USH2A: variants seen among roughly 807,000 people sequenced by gnomAD.
USH2A encodes the protein usherin.
Under a neutral mutation model 538.9 loss-of-function variants are expected in USH2A, and 443 were observed. The observed-to-expected ratio is 0.82, with a 90% confidence interval of 0.76 to 0.89. The LOEUF (loss-of-function observed/expected upper bound fraction) is 0.89, where lower values mean the gene tolerates loss of function less well. USH2A is among the 40% of genes least tolerant of loss of function. The pLI is 0.00. For missense variants in USH2A, 6,633 were observed against 6,324.8 expected (o/e 1.05, Z -1.65); for synonymous variants, 2,413 against 2,273.5 (o/e 1.06, Z -1.75).
At chr1:215,789,953 T>A in intron 51 of USH2A, 106 bp downstream of exon 51, 1 of 1,036,884 alleles carries the variant, frequency 9.6e-7, no homozygotes, top group Non-Finnish European at 1.4e-6. Context: ...AAATGAATAA[T>A]GCACACAGGA....
intron 37 of USH2A, among the ~76,000 whole-genome samples, chr1:215,963,264 A>T (rs1462268948): frequency 6.6e-6 from 1 of 152,098 alleles, no homozygotes; most frequent in African/African-American, 2.4e-5. Context: ...CCCTCAGTGT[A>T]AATGTCACCC....
At chr1:216,151,402 A>G (rs985650477) in intron 21 of USH2A, among the ~76,000 whole-genome samples, 69 of 152,074 alleles carry the variant, frequency 4.5e-4, no homozygotes, top group Non-Finnish European at 5.7e-4. Flanking sequence ...TCAATTTGCA[A>G]ATGGGACCGA....
rs1485868763 is a variant in USH2A at position 215,782,769 on chromosome 1, G to A, written c.10554C>T (p.Val3518=). The change falls in exon 53 of 72, where the codon GTC becomes GTT. Residue 3518 remains valine, a synonymous_variant. Coordinates refer to ENST00000307340, the MANE Select transcript of USH2A (RefSeq NM_206933.4). ...TKIDNLEDTI[V]LNWRKPIQSN... is the part of the protein sequence containing the mutation. ...ATTGTATAGGTTTTCTCCAGTTTAA[G>A]ACAATTGTATCTTCAAGATTGTCTA... 1.9e-6 allele frequency: 3 copies of A among 1,613,868 alleles called. No individual in the cohort carries two copies. The highest frequency in any genetic ancestry group is 2.5e-6 in the Non-Finnish European group (3 of 1,179,880).
rs573767136 is a variant in USH2A, at chr1:215,748,424, A to C, written c.11390-5089T>G. ...CAAATGATAAGTTGTATAATATATT[A>C]TTTTTTGGATGAAGACAAACACTGG... On this transcript the variant is annotated intron_variant, in intron 58 of 71. Coordinates refer to ENST00000307340, the MANE Select transcript of USH2A (RefSeq NM_206933.4). Among the ~76,000 whole-genome samples, 168 of 152,296 alleles carry C rather than the reference A, an allele frequency of 1.1e-3. 2 individuals carry two copies. In the South Asian group the frequency reaches 0.016, roughly 14 times the overall value.
intron 64 of USH2A, 52 bp from the exon 65 acceptor site, chr1:215,650,853 G>GAAAAAAAAAAAAAAA: frequency 1.6e-6 from 2 of 1,232,022 alleles, no homozygotes; most frequent in Non-Finnish European, 2.2e-6. Flanking sequence ...CTAAGGCTGG[G>GAAAAAAAAAAAAAAA]AAAAAAAAAA....
intron 27 of USH2A, among the ~76,000 whole-genome samples, chr1:216,077,787 G>C (rs986361602): frequency 1.3e-4 from 20 of 149,484 alleles, no homozygotes; most frequent in African/African-American, 4.6e-4. Context: ...ATATAATTAT[G>C]TACCACATAT....
chr1:216,136,185 T>A (rs1288346611), intron 21 of USH2A, among the ~76,000 whole-genome samples: 2 of 152,118 alleles, frequency 1.3e-5, no homozygotes, highest in Admixed American at 1.3e-4. Flanking sequence ...ATTGTCTCCA[T>A]GCTAATAATG....
intron 47 of USH2A, among the ~76,000 whole-genome samples, chr1:215,828,853 A>G (rs774883346): frequency 2.0e-5 from 3 of 152,196 alleles, no homozygotes; most frequent in Non-Finnish European, 4.4e-5. Context: ...GTCTCCATTT[A>G]TGGGGAATAA....
chr1:216,188,439 A>G (rs528171162), intron 20 of USH2A, among the ~76,000 whole-genome samples: 164 of 151,956 alleles, frequency 1.1e-3, no homozygotes, highest in African/African-American at 3.9e-3. Context: ...ACACTATTGC[A>G]TATGAGGTTC....
intron 4 of USH2A, among the ~76,000 whole-genome samples, 180 bp downstream of exon 4, chr1:216,364,773 T>C (rs1363212967): frequency 6.6e-6 from 1 of 151,982 alleles, no homozygotes; most frequent in African/African-American, 2.4e-5. Flanking sequence ...ACTTCCAGCT[T>C]CCAAAACTGT....
chr1:216,153,852 C>T (rs746722299), intron 21 of USH2A, among the ~76,000 whole-genome samples: 26 of 152,318 alleles, frequency 1.7e-4, no homozygotes, highest in Non-Finnish European at 3.5e-4. Flanking sequence ...TAGGCTGCTG[C>T]TTGCTGCCTC....
intron 69 of USH2A, among the ~76,000 whole-genome samples, chr1:215,636,429 A>T (rs1415178752): frequency 6.6e-6 from 1 of 152,232 alleles, no homozygotes; most frequent in African/African-American, 2.4e-5. Context: ...TCTAAAATAA[A>T]GGGTTGAGTC....
At position 216,271,730 on chromosome 1, in the gene USH2A, T is replaced by C. The variant is rs546706491; in HGVS notation, c.1971+17550A>G. Among the ~76,000 whole-genome samples the C allele has an allele frequency of 2.0e-5, 3 of 152,224 alleles. No individual in the cohort carries two copies. The South Asian group carries it at 6.2e-4, about 32-fold the overall frequency. On this transcript the variant is annotated intron_variant, in intron 11 of 71. Coordinates refer to ENST00000307340, the MANE Select transcript of USH2A (RefSeq NM_206933.4). Reference sequence around the variant, plus strand: ...AGAGGGTATTTATCATGAAAGTGTTTTGAATTCTTTTTCAAAGTTTTTTGA... The same window carrying C: ...AGAGGGTATTTATCATGAAAGTGTTCTGAATTCTTTTTCAAAGTTTTTTGA...
Position 215,878,987 on chromosome 1 carries a change from T to C in USH2A, c.8335A>G (p.Lys2779Glu), listed in dbSNP as rs1384747147. The change falls in exon 42 of 72, where the codon AAA becomes GAA. Residue 2779 changes from lysine (K) to glutamate (E), a missense_variant. Lys to Glu is a moderately conservative substitution (Grantham distance 56). Transcript: ENST00000307340. The part of the protein sequence containing the change: ...TNVTSAVLSQ[K>E]VTHLIPFTNY... ...GTGAAAGGAATCAGATGAGTAACTT[T>C]TTGACTTAACACTGCGGAAGTCACA... The C allele has an allele frequency of 2.5e-6, 4 of 1,613,970 alleles. No individual in the cohort carries two copies. Among genetic ancestry groups the C allele is most frequent in the African/African-American group, 1.3e-5 (1 of 74,910 alleles).
intron 14 of USH2A, among the ~76,000 whole-genome samples, chr1:216,227,569 G>T (rs970585794): frequency 6.6e-6 from 1 of 152,088 alleles, no homozygotes; most frequent in Non-Finnish European, 1.5e-5. Flanking sequence ...AAAACAGGAA[G>T]GGATCATATC....
chr1:216,039,336 T>C lies in USH2A; in HGVS notation c.6325+7095A>G, dbSNP rs1238839100. On this transcript the variant is annotated intron_variant, in intron 32 of 71. Coordinates refer to ENST00000307340, the MANE Select transcript of USH2A (RefSeq NM_206933.4). ...ATAGCTTGACTTTTGTTCCTTCGTG[T>C]CCTTAAAGTTTCTCAGACTTTGTAC... 3.3e-5 allele frequency among the ~76,000 whole-genome samples: 5 copies of C among 152,026 alleles called. 1 individual carries two copies. The East Asian group carries it at 9.6e-4, about 29-fold the overall frequency.
intron 3 of USH2A, among the ~76,000 whole-genome samples, chr1:216,395,184 T>A (rs531982260): frequency 6.6e-6 from 1 of 152,332 alleles, no homozygotes; most frequent in South Asian, 2.1e-4. Context: ...CTTAAGCATA[T>A]TTTTTGAGGC....
At chr1:215,916,987 C>T (rs1170766188) in intron 38 of USH2A, among the ~76,000 whole-genome samples, 1 of 152,024 alleles carries the variant, frequency 6.6e-6, no homozygotes, top group African/African-American at 2.4e-5. Flanking sequence ...TGAAATACCC[C>T]AAAGCTGTGA....
In USH2A at chr1:215,680,376, C is replaced by T. The variant is rs1347176936; in HGVS notation, c.12067G>A (p.Gly4023Arg). The part of the protein sequence containing the change: ...SPTVHAFTVK[G>R]TSHQAHLYGL... The stretch of plus-strand genomic sequence containing the variant: ...TACAGGTGGGCTTGATGGCTTGTTC[C>T]CTGTAAGAAAATTAACAGGTTAAGT... The change falls in exon 62 of 72, where the codon GGA becomes AGA. Residue 4023 changes from glycine (G) to arginine (R), a missense_variant and splice_region_variant. By Grantham distance (125) the Gly-to-Arg change is moderately radical (BLOSUM62 -2). Transcript: ENST00000307340. 8 of 1,610,418 alleles carry T rather than the reference C, an allele frequency of 5.0e-6. No individual in the cohort carries two copies. Among genetic ancestry groups the T allele is most frequent in the Middle Eastern group, 1.7e-4 (1 of 6,054 alleles).
Sources: gnomAD v4.1 joint callset for allele counts (sites outside exome capture counted in the v4.1 genomes callset) on GRCh38, gnomAD v4.1.1 for gene constraint, MANE v1.5 for transcripts, NCBI Gene and HGNC (gene_info 2026-07-23, HGNC 2026-07-21) for gene names.